Variants in UBAC2 observed in about 807,000 individuals in gnomAD.
The protein encoded by UBAC2 is UBA domain containing 2, also known as ubiquitin-associated domain-containing protein 2.
A neutral mutation model predicts 44.0 loss-of-function variants in UBAC2; 26 were observed. That is an observed-to-expected ratio of 0.59 (90% CI 0.43 to 0.82). The LOEUF is 0.82. Among genes scored for constraint, UBAC2 ranks in the 40% least tolerant of loss-of-function variants. The pLI, the probability that UBAC2 is intolerant of heterozygous loss-of-function variation, is 0.00. For synonymous variants in UBAC2, 155 were observed against 154.3 expected, an observed-to-expected ratio of 1.00 and a Z score of -0.04; for missense variants, 329 against 419.4, an observed-to-expected ratio of 0.78 and a Z score of 1.88.
intron 4 of UBAC2, among the ~76,000 whole-genome samples, chr13:99,304,840 C>T (rs1198401701): frequency 6.6e-6 from 1 of 152,174 alleles, no homozygotes; most frequent in Non-Finnish European, 1.5e-5. Flanking sequence ...TACATTTTAT[C>T]TCCTATTTCC....
At chr13:99,254,814 A>C in intron 4 of UBAC2, 1 of 1,271,120 alleles carries the variant, frequency 7.9e-7, no homozygotes, top group Non-Finnish European at 1.1e-6. Context: ...CAGAATATCC[A>C]TTGACGCCAG....
Position 99,311,019 on chromosome 13 carries a change from AG to A in UBAC2, c.390-3073del, listed in dbSNP as rs1004490591. Among the ~76,000 whole-genome samples, 10 of 152,234 alleles carry A rather than the reference AG, an allele frequency of 6.6e-5. No individual in the cohort carries two copies. In the East Asian group the frequency reaches 7.7e-4, roughly 12 times the overall value. On this transcript the variant is annotated intron_variant, in intron 4 of 8. Transcript: ENST00000403766. ...ATCCCATTAAAAATGATAAAAAGGAAGGGGGCTTTTTAAAACAAAAGGCAAG... is the reference window on the plus strand; with the variant it reads ...ATCCCATTAAAAATGATAAAAAGGAAGGGGCTTTTTAAAACAAAAGGCAAG...
intron 6 of UBAC2, among the ~76,000 whole-genome samples, chr13:99,319,848 C>T (rs531978892): frequency 6.6e-6 from 1 of 152,314 alleles, no homozygotes; most frequent in East Asian, 1.9e-4. Context: ...GAAGACTTAA[C>T]CAGCCTGAGA....
intron 1 of UBAC2, among the ~76,000 whole-genome samples, chr13:99,228,097 G>A (rs190956414): frequency 1.3e-5 from 2 of 152,268 alleles, no homozygotes; most frequent in Admixed American, 6.5e-5. Flanking sequence ...AGGAAGGACT[G>A]ACGGGGCCCA....
chr13:99,331,868 A>G (rs936618364), intron 6 of UBAC2, among the ~76,000 whole-genome samples: 36 of 152,264 alleles, frequency 2.4e-4, no homozygotes, highest in Middle Eastern at 3.4e-3. Context: ...GCTCCTTACT[A>G]TGTTTCAGTG....
chr13:99,316,528 G>A (rs1404479449), intron 5 of UBAC2, among the ~76,000 whole-genome samples: 2 of 152,082 alleles, frequency 1.3e-5, no homozygotes, highest in Non-Finnish European at 2.9e-5. Context: ...ATCATGCCCT[G>A]TGCAATGGGC....
At chr13:99,268,710 G>A (rs919625190) in intron 4 of UBAC2, among the ~76,000 whole-genome samples, 1 of 151,886 alleles carries the variant, frequency 6.6e-6, no homozygotes, top group African/African-American at 2.4e-5. Context: ...AGCTGTAGAG[G>A]CACTGAATGA....
chr13:99,385,150 C>T (rs929621431), intron 8 of UBAC2, 78 bp from the exon 9 acceptor site: 3 of 1,071,618 alleles, frequency 2.8e-6, no homozygotes, highest in African/African-American at 1.6e-5. Context: ...CCACAAGGCT[C>T]ACATGAAGAA....
At chr13:99,252,769 T>C (rs377763189) in intron 4 of UBAC2, among the ~76,000 whole-genome samples, 2 of 152,184 alleles carry the variant, frequency 1.3e-5, no homozygotes, top group African/African-American at 4.8e-5. Flanking sequence ...AAAATAACTT[T>C]TAAGTGATCT....
At chr13:99,347,324 C>A (rs895540224) in intron 7 of UBAC2, among the ~76,000 whole-genome samples, 6 of 76,082 alleles carry the variant, frequency 7.9e-5, no homozygotes, top group Non-Finnish European at 2.0e-4. Context: ...CGGGCGCCCC[C>A]CCCCCCCCCC....
chr13:99,328,499 A>G (rs2138801155), intron 6 of UBAC2, among the ~76,000 whole-genome samples: 1 of 152,332 alleles, frequency 6.6e-6, no homozygotes, highest in Middle Eastern at 3.4e-3. Context: ...CACCCTTGTC[A>G]ACACTTGGTA....
intron 4 of UBAC2, chr13:99,296,187 A>G (rs2044170357): frequency 2.0e-6 from 3 of 1,521,776 alleles, no homozygotes; most frequent in Non-Finnish European, 2.6e-6. Flanking sequence ...AAGAAGGATC[A>G]TATAAGTAAA....
chr13:99,255,005 A>C (rs2043518600), intron 4 of UBAC2: 1 of 1,614,050 alleles, frequency 6.2e-7, no homozygotes, highest in Non-Finnish European at 8.5e-7. Flanking sequence ...AATTGTTTTG[A>C]AACGATGTAG....
At chr13:99,224,972 A>G (rs568114551) in intron 1 of UBAC2, among the ~76,000 whole-genome samples, 3 of 152,284 alleles carry the variant, frequency 2.0e-5, no homozygotes, top group South Asian at 2.1e-4. Flanking sequence ...TGCTTTCCAC[A>G]TAGGTTTCTG....
chr13:99,280,162 T>C (rs149605818), intron 4 of UBAC2, among the ~76,000 whole-genome samples: 4 of 152,344 alleles, frequency 2.6e-5, no homozygotes, highest in African/African-American at 7.2e-5. Flanking sequence ...TCTGGTCTTA[T>C]TCCTTTACAC....
chr13:99,325,510 T>G (rs1381984689), intron 6 of UBAC2, among the ~76,000 whole-genome samples: 2 of 152,226 alleles, frequency 1.3e-5, no homozygotes, highest in African/African-American at 2.4e-5. Context: ...CTTACTCATT[T>G]AAGTCCTGGC....
chr13:99,311,313 T>TG (rs34297241), intron 4 of UBAC2, among the ~76,000 whole-genome samples: 1 of 151,978 alleles, frequency 6.6e-6, no homozygotes, highest in Non-Finnish European at 1.5e-5. Flanking sequence ...CGGTTTGAAA[T>TG]GGGGCAGTCA....
chr13:99,232,808 G>T (rs1196704740), intron 1 of UBAC2, among the ~76,000 whole-genome samples: 1 of 152,068 alleles, frequency 6.6e-6, no homozygotes, highest in Non-Finnish European at 1.5e-5. Flanking sequence ...CGGTCATGGG[G>T]CCTTGCCCCT....
Position 99,302,529 on chromosome 13 carries a change from T to G in UBAC2, c.390-11568T>G, listed in dbSNP as rs2044270991. Among the ~76,000 whole-genome samples, 3 of 152,228 alleles carry G rather than the reference T, an allele frequency of 2.0e-5. No individual in the cohort carries two copies. In the South Asian group the frequency reaches 6.2e-4, roughly 31 times the overall value. ...ATTTGTCAATTATTTGAAAACGCCT[T>G]CTTGTTCAAACAGGGGCATCTAAAT... On this transcript the variant is annotated intron_variant, in intron 4 of 8. Transcript: ENST00000403766.
Sources: gnomAD v4.1 joint callset for allele counts (sites outside exome capture counted in the v4.1 genomes callset) on GRCh38, gnomAD v4.1.1 for gene constraint, MANE v1.5 for transcripts, NCBI Gene and HGNC (gene_info 2026-07-23, HGNC 2026-07-21) for gene names.